PCDH9: variants seen among roughly 807,000 people sequenced by gnomAD.
The protein encoded by PCDH9 is protocadherin 9.
PCDH9 carries 24 observed loss-of-function variants against 70.6 expected under a neutral mutation model. That is an observed-to-expected ratio of 0.34 (90% CI 0.25 to 0.48). PCDH9 has a LOEUF of 0.48. Among genes scored for constraint, PCDH9 ranks in the 20% least tolerant of loss-of-function variants. The probability of loss-of-function intolerance (pLI) is 0.99; values close to 1 mark genes in which losing one functional copy is unlikely to be tolerated. For synonymous variants in PCDH9, 562 were observed against 558.5 expected (o/e 1.01, Z -0.09); for missense variants, 1,281 against 1,503.6 (o/e 0.85, Z 2.45).
rs117720290 is a variant in PCDH9 at position 66,506,874 on chromosome 13, A to G, written c.3340+124336T>C. On this transcript the variant is annotated intron_variant, in intron 4 of 4. Transcript: ENST00000377865. The stretch of plus-strand genomic sequence containing the variant: ...ACTTTTTCAATATCTTTAAATGTCT[A>G]TGCCTTGCTTTATAACACCAGATTA... Among the ~76,000 whole-genome samples, 716 of 152,360 alleles carry G rather than the reference A, an allele frequency of 4.7e-3. 32 individuals carry two copies. In the East Asian group the frequency reaches 0.092, roughly 19 times the overall value.
chr13:66,604,661 G>A (rs760228605), intron 4 of PCDH9, among the ~76,000 whole-genome samples: 1 of 152,046 alleles, frequency 6.6e-6, no homozygotes, highest in Non-Finnish European at 1.5e-5. Context: ...ACTTCAAAAA[G>A]TTGTTTACAA....
At chr13:66,935,237 G>A (rs2082897022) in intron 2 of PCDH9, among the ~76,000 whole-genome samples, 1 of 151,664 alleles carries the variant, frequency 6.6e-6, no homozygotes, top group African/African-American at 2.4e-5. Flanking sequence ...TTTAATTTTT[G>A]TAGTGACGAG....
chr13:66,586,899 T>C (rs1013498025), intron 4 of PCDH9, among the ~76,000 whole-genome samples: 9 of 152,114 alleles, frequency 5.9e-5, no homozygotes, highest in Non-Finnish European at 1.0e-4. Flanking sequence ...AACACTTTTG[T>C]TGTTGTAAAA....
intron 4 of PCDH9, among the ~76,000 whole-genome samples, chr13:66,594,468 G>GTTTATTTTATTTTATTTTAT: frequency 7.2e-6 from 1 of 139,686 alleles, no homozygotes; most frequent in African/African-American, 2.6e-5. Flanking sequence ...GTTACTTTTT[G>GTTTATTTTATTTTATTTTAT]TTTATTTTAT....
chr13:66,738,277 G>C (rs1169518156), intron 3 of PCDH9, among the ~76,000 whole-genome samples: 4 of 151,376 alleles, frequency 2.6e-5, no homozygotes, highest in Non-Finnish European at 4.4e-5. Flanking sequence ...CTGCAGCTGA[G>C]GGTGCTGTCT....
chr13:66,677,496 G>A (rs1486858783), intron 3 of PCDH9, among the ~76,000 whole-genome samples: 1 of 152,082 alleles, frequency 6.6e-6, no homozygotes, highest in African/African-American at 2.4e-5. Context: ...GCTCGAGGTA[G>A]AGCCCATTGG....
intron 2 of PCDH9, among the ~76,000 whole-genome samples, chr13:67,037,975 G>T (rs777557394): frequency 1.4e-4 from 22 of 152,082 alleles, no homozygotes; most frequent in Non-Finnish European, 3.2e-4. Context: ...TCAGAATACT[G>T]ACGTATAAAA....
chr13:66,494,789 G>C lies in PCDH9; in HGVS notation c.3340+136421C>G, dbSNP rs112277738. Reference sequence around the variant, plus strand: ...CATTAAAAATTGTTTTTAATGAGTTGGGCAGGGGAGATTGCTTTAAAGAGA... The same window carrying C: ...CATTAAAAATTGTTTTTAATGAGTTCGGCAGGGGAGATTGCTTTAAAGAGA... On this transcript the variant is annotated intron_variant, in intron 4 of 4. Transcript: ENST00000377865. Among the ~76,000 whole-genome samples, 570 of 152,164 alleles carry C rather than the reference G, an allele frequency of 3.7e-3. 6 individuals carry two copies. The highest frequency in any genetic ancestry group is 0.013 in the African/African-American group (550 of 41,534).
chr13:66,914,263 T>C (rs2082521291), intron 2 of PCDH9: 2 of 152,078 alleles, frequency 1.3e-5, no homozygotes, highest in Middle Eastern at 3.4e-3. Flanking sequence ...GAATATACTT[T>C]AACAAACAAG....
intron 2 of PCDH9, chr13:67,219,232 G>C (rs560041060): frequency 1.3e-5 from 2 of 152,054 alleles, no homozygotes; most frequent in Non-Finnish European, 2.9e-5. Context: ...ATGAGTCTTG[G>C]CTTACAGAAG....
intron 4 of PCDH9, among the ~76,000 whole-genome samples, chr13:66,511,107 A>G (rs1188193865): frequency 6.6e-6 from 1 of 152,170 alleles, no homozygotes; most frequent in Non-Finnish European, 1.5e-5. Context: ...GTGCCTCTCA[A>G]CATTCATATC....
At chr13:66,393,934 T>C (rs1230462030) in intron 4 of PCDH9, among the ~76,000 whole-genome samples, 1 of 152,208 alleles carries the variant, frequency 6.6e-6, no homozygotes, top group Non-Finnish European at 1.5e-5. Context: ...GTGGAATCTG[T>C]AGAGTTTTTT....
At chr13:66,949,987 G>C (rs1007151461) in intron 2 of PCDH9, among the ~76,000 whole-genome samples, 2 of 151,932 alleles carry the variant, frequency 1.3e-5, no homozygotes, top group African/African-American at 2.4e-5. Flanking sequence ...TGTCTTCTAG[G>C]TTCGATATTC....
chr13:66,455,007 T>C (rs987244465), intron 4 of PCDH9, among the ~76,000 whole-genome samples: 1 of 152,116 alleles, frequency 6.6e-6, no homozygotes, highest in African/African-American at 2.4e-5. Context: ...AAAAATTACT[T>C]GAGTTGATTT....
chr13:67,140,027 C>CA (rs1396286854), intron 2 of PCDH9, among the ~76,000 whole-genome samples: 9 of 38,720 alleles, frequency 2.3e-4, no homozygotes, highest in Admixed American at 6.4e-4. Flanking sequence ...TTTTGATCAC[C>CA]CCCCCCCCCC....
At chr13:66,337,166 A>G (rs899356406) in intron 4 of PCDH9, among the ~76,000 whole-genome samples, 1 of 152,074 alleles carries the variant, frequency 6.6e-6, no homozygotes, top group Non-Finnish European at 1.5e-5. Context: ...TATTTGGTAT[A>G]TTCCCAATAT....
At chr13:66,425,268 A>G (rs1957649444) in intron 4 of PCDH9, among the ~76,000 whole-genome samples, 1 of 151,710 alleles carries the variant, frequency 6.6e-6, no homozygotes, top group South Asian at 2.1e-4. Flanking sequence ...AAGCTTTGAC[A>G]ACTTTGATCA....
chr13:67,222,178 G>A (rs1297645667), intron 2 of PCDH9: 3 of 150,168 alleles, frequency 2.0e-5, no homozygotes, highest in African/African-American at 7.3e-5. Flanking sequence ...ATCATTTAAA[G>A]CCTTGTTGGA....
At chr13:67,047,070 G>A (rs754568015) in intron 2 of PCDH9, among the ~76,000 whole-genome samples, 30 of 152,082 alleles carry the variant, frequency 2.0e-4, no homozygotes, top group Non-Finnish European at 3.4e-4. Flanking sequence ...CATATATTAC[G>A]TATTAAAGTG....
Sources: allele counts gnomAD v4.1 joint callset (sites outside exome capture counted in the v4.1 genomes callset), GRCh38; gene constraint gnomAD v4.1.1; transcripts MANE v1.5; gene names NCBI Gene and HGNC (gene_info 2026-07-23, HGNC 2026-07-21).